The following GRIK3 variants were observed in gnomAD, a reference collection of about 807,000 sequenced individuals.
The protein encoded by GRIK3 is glutamate receptor ionotropic, kainate 3.
In GRIK3, 29 loss-of-function variants were observed where a neutral mutation model predicts 102.5. The observed-to-expected ratio is 0.28, with a 90% confidence interval of 0.21 to 0.39. The LOEUF is 0.39. Among genes scored for constraint, GRIK3 ranks in the 10% least tolerant of loss-of-function variants. The pLI is 1.00. For synonymous variants in GRIK3, 511 were observed against 504.9 expected, an observed-to-expected ratio of 1.01 and a Z score of -0.16; for missense variants, 908 against 1,252.4, an observed-to-expected ratio of 0.73 and a Z score of 4.15.
intron 1 of GRIK3, among the ~76,000 whole-genome samples, chr1:36,897,142 A>G (rs1423101475): frequency 2.0e-5 from 3 of 152,208 alleles, no homozygotes; most frequent in Non-Finnish European, 4.4e-5. Flanking sequence ...TGGAAGTTCT[A>G]TCCAGAGCAG....
intron 10 of GRIK3, among the ~76,000 whole-genome samples, chr1:36,836,937 A>T (rs1640387082): frequency 6.6e-6 from 1 of 151,938 alleles, no homozygotes; most frequent in Non-Finnish European, 1.5e-5. Context: ...CAACTCGTGG[A>T]TGCTCATTCC....
At chr1:36,907,524 C>T (rs368505973) in intron 1 of GRIK3, among the ~76,000 whole-genome samples, 9 of 152,046 alleles carry the variant, frequency 5.9e-5, no homozygotes, top group African/African-American at 1.2e-4. Flanking sequence ...TGGAGGAAGG[C>T]GACAGAAGAT....
rs186969561 is a variant in GRIK3 at position 36,798,695 on chromosome 1, T to C, written c.*3156A>G. 1 of 152,368 alleles carries C rather than the reference T, an allele frequency of 6.6e-6. No individual in the cohort carries two copies. The highest frequency in any genetic ancestry group is 1.5e-5 in the Non-Finnish European group (1 of 68,036). 9.4% of individuals were successfully genotyped at this position (152,368 alleles called of 1,614,324 possible). On this transcript the variant is annotated 3_prime_UTR_variant, in exon 16 of 16. Coordinates refer to ENST00000373091, the MANE Select transcript of GRIK3 (RefSeq NM_000831.4). Reference sequence around the variant, plus strand: ...CTGCACTTTGAACACTAGGCTGGTCTCTAGGACAAATGCAGGATATTGGCC... The same window carrying C: ...CTGCACTTTGAACACTAGGCTGGTCCCTAGGACAAATGCAGGATATTGGCC...
Position 36,795,642 on chromosome 1 carries a change from G to A in GRIK3, c.*6209C>T, listed in dbSNP as rs1163666058. 1 of 152,186 alleles carries A rather than the reference G, an allele frequency of 6.6e-6. No homozygotes were observed. The highest frequency in any genetic ancestry group is 1.5e-5 in the Non-Finnish European group (1 of 68,026). 9.4% of individuals were successfully genotyped at this position (152,186 alleles called of 1,614,324 possible). The stretch of plus-strand genomic sequence containing the variant: ...AAAGGAAAATAATCAGATTTGTTTG[G>A]AAATTTATTTACATCAGCCTAGAAT... On this transcript the variant is annotated 3_prime_UTR_variant, in exon 16 of 16. Coordinates refer to ENST00000373091, the MANE Select transcript of GRIK3 (RefSeq NM_000831.4).
At chr1:36,805,936 C>CAAAAAAAAAAAA (rs749853809) in intron 14 of GRIK3, among the ~76,000 whole-genome samples, 168 bp downstream of exon 14, 2 of 31,602 alleles carry the variant, frequency 6.3e-5, no homozygotes, top group East Asian at 8.7e-4. Flanking sequence ...AACTCCACCT[C>CAAAAAAAAAAAA]AAAAAAAAAA....
At chr1:36,947,438 C>T (rs575056156) in intron 1 of GRIK3, among the ~76,000 whole-genome samples, 8 of 152,262 alleles carry the variant, frequency 5.3e-5, no homozygotes, top group African/African-American at 1.9e-4. Context: ...GTCCTCTGCT[C>T]AAAAGCCTTC....
chr1:36,989,168 C>T (rs544786773), intron 1 of GRIK3, among the ~76,000 whole-genome samples: 3 of 152,188 alleles, frequency 2.0e-5, no homozygotes, highest in South Asian at 2.1e-4. Flanking sequence ...TCCATGGTCC[C>T]GCAACCAAGT....
intron 9 of GRIK3, among the ~76,000 whole-genome samples, chr1:36,844,453 C>T (rs1308382892): frequency 2.0e-5 from 3 of 152,230 alleles, no homozygotes; most frequent in Admixed American, 6.5e-5. Flanking sequence ...CTCCTGCACC[C>T]TGGCATGGGG....
chr1:36,997,446 T>C (rs1179675164), intron 1 of GRIK3, among the ~76,000 whole-genome samples: 1 of 152,190 alleles, frequency 6.6e-6, no homozygotes, highest in African/African-American at 2.4e-5. Flanking sequence ...TCAAGAAATA[T>C]AATTCCAGAG....
chr1:37,029,797 T>C (rs1642801245), intron 1 of GRIK3, among the ~76,000 whole-genome samples: 1 of 152,072 alleles, frequency 6.6e-6, no homozygotes, highest in African/African-American at 2.4e-5. Context: ...TCTGGAGTGG[T>C]TGGAGGCAGC....
At chr1:36,822,137 T>C (rs943974250) in intron 11 of GRIK3, among the ~76,000 whole-genome samples, 2 of 152,204 alleles carry the variant, frequency 1.3e-5, no homozygotes, top group African/African-American at 4.8e-5. Flanking sequence ...AAAATCATCC[T>C]TGGACACAAC....
In GRIK3 at chr1:36,796,216, T is replaced by C. The variant is rs567810649; in HGVS notation, c.*5635A>G. ...AGACCTGCGAAAGAGGCTAAAGGAA[T>C]GGAACTGCAGAGAACAGACCGATCT... On this transcript the variant is annotated 3_prime_UTR_variant, in exon 16 of 16. Transcript: ENST00000373091. 6.6e-6 allele frequency: 1 copy of C among 152,322 alleles called. No homozygotes were observed. The highest frequency in any genetic ancestry group is 2.1e-4 in the South Asian group (1 of 4,824). 9.4% of individuals were successfully genotyped at this position (152,322 alleles called of 1,614,324 possible).
At position 36,806,025 on chromosome 1, in the gene GRIK3, C is replaced by T. The variant is rs1457902346; in HGVS notation, c.2314+79G>A. The stretch of plus-strand genomic sequence containing the variant: ...CAGCCCCATGGAATGAGCTGTGAGA[C>T]GGAGTGTGAGGGGACGCGGGGGTGG... On this transcript the variant is annotated intron_variant, in intron 14 of 15. Transcript: ENST00000373091. This position sits in a 1 kb window ranked among gnomAD's most constrained non-coding sequence, Gnocchi z 4.0. The T allele has an allele frequency of 5.0e-5, 41 of 827,274 alleles. No individual in the cohort carries two copies. The highest frequency in any genetic ancestry group is 6.4e-5 in the Non-Finnish European group (32 of 500,262). The allele number at this position is 827,274 out of a possible 1,614,324, so 51.2% of individuals were successfully genotyped here.
At chr1:36,945,936 A>T (rs1285257154) in intron 1 of GRIK3, among the ~76,000 whole-genome samples, 8 of 152,126 alleles carry the variant, frequency 5.3e-5, no homozygotes, top group Admixed American at 5.2e-4. Flanking sequence ...TACGTTCTGG[A>T]GCATCCTGAT....
At chr1:37,016,496 C>T (rs906464548) in intron 1 of GRIK3, among the ~76,000 whole-genome samples, 1 of 152,210 alleles carries the variant, frequency 6.6e-6, no homozygotes, top group Admixed American at 6.5e-5. Flanking sequence ...GTCAGTGGCT[C>T]AATGCCTGCA....
Position 37,006,064 on chromosome 1 carries a change from G to A in GRIK3, c.115+27930C>T, listed in dbSNP as rs1018080116. Among the ~76,000 whole-genome samples the A allele has an allele frequency of 5.3e-5, 8 of 152,174 alleles. No homozygotes were observed. The South Asian group carries it at 6.2e-4, about 12-fold the overall frequency. On this transcript the variant is annotated intron_variant, in intron 1 of 15. Transcript: ENST00000373091. ...GATGCTGTAGCCACCGGGAGAAGGCGGTGCATTTGAATCTGTGGGAGTGAG... is the reference window on the plus strand; with the variant it reads ...GATGCTGTAGCCACCGGGAGAAGGCAGTGCATTTGAATCTGTGGGAGTGAG...
At chr1:36,903,443 A>G (rs1641252214) in intron 1 of GRIK3, among the ~76,000 whole-genome samples, 1 of 152,242 alleles carries the variant, frequency 6.6e-6, no homozygotes, top group Admixed American at 6.5e-5. Context: ...ATACTCTTAC[A>G]CGCAAGTGCA....
Position 36,809,171 on chromosome 1 carries a change from A to T in GRIK3, c.2092-2845T>A, listed in dbSNP as rs535402478. On this transcript the variant is annotated intron_variant, in intron 13 of 15. Transcript: ENST00000373091. ...CATCAACCCATCCATCCATCCATCC[A>T]TCCATCCACCCACCCATCCATCCAC... 6.2e-4 allele frequency among the ~76,000 whole-genome samples: 94 copies of T among 151,432 alleles called. 1 individual carries two copies. The highest frequency in any genetic ancestry group is 5.6e-3 in the Admixed American group (85 of 15,216).
At chr1:36,954,846 AAGTGCATAGTGGGCAAG>A (rs1417667564) in intron 1 of GRIK3, among the ~76,000 whole-genome samples, 1 of 152,232 alleles carries the variant, frequency 6.6e-6, no homozygotes, top group Non-Finnish European at 1.5e-5. Context: ...ACACAAGTAT[AAGTGCATAGTGGGCAAG>A]TGCCTGCAGG....
Sources: gnomAD v4.1 joint callset for allele counts (sites outside exome capture counted in the v4.1 genomes callset) on GRCh38, gnomAD v4.1.1 for gene constraint, Gnocchi (gnomAD v3.1) non-coding constraint, MANE v1.5 for transcripts, NCBI Gene and HGNC (gene_info 2026-07-23, HGNC 2026-07-21) for gene names.